Variants in RUFY1 observed in about 807,000 individuals in gnomAD.
RUFY1 encodes RUN and FYVE domain containing 1, also known as RUN and FYVE domain-containing protein 1.
In RUFY1, 54 loss-of-function variants were observed where a neutral mutation model predicts 94.6. The observed-to-expected ratio is 0.57, with a 90% CI of 0.46 to 0.72. RUFY1 has a LOEUF of 0.72. RUFY1 is among the 30% of genes least tolerant of loss of function. RUFY1 has a pLI of 0.00. For missense variants in RUFY1, 883 were observed against 883.9 expected, an observed-to-expected ratio of 1.00 and a Z score of 0.01; for synonymous variants, 396 against 347.3, an observed-to-expected ratio of 1.14 and a Z score of -1.56.
intron 1 of RUFY1, among the ~76,000 whole-genome samples, chr5:179,555,315 A>C (rs866681106): frequency 6.6e-6 from 1 of 152,162 alleles, no homozygotes; most frequent in African/African-American, 2.4e-5. Flanking sequence ...GTAGGTGTAG[A>C]ACTTCACGAT....
chr5:179,560,544 C>A (rs1305376281), intron 2 of RUFY1, among the ~76,000 whole-genome samples: 1 of 146,046 alleles, frequency 6.8e-6, no homozygotes, highest in East Asian at 2.0e-4. Context: ...ACGGTGAAAC[C>A]CGGTCTCTAC....
At chr5:179,581,387 G>A (rs1764144965) in intron 7 of RUFY1, among the ~76,000 whole-genome samples, 1 of 151,992 alleles carries the variant, frequency 6.6e-6, no homozygotes, top group African/African-American at 2.4e-5. Context: ...AAAACCACTG[G>A]GCTAGGCCCT....
chr5:179,566,146 AAAAG>A (rs1353976534), intron 3 of RUFY1, among the ~76,000 whole-genome samples: 1 of 152,140 alleles, frequency 6.6e-6, no homozygotes, highest in Non-Finnish European at 1.5e-5. Context: ...TCCAAAAAAA[AAAAG>A]AAAGTTGTGA....
At chr5:179,594,780 AAAAGC>A in intron 11 of RUFY1, 81 bp from the exon 12 acceptor site, 2 of 652,540 alleles carry the variant, frequency 3.1e-6, no homozygotes, top group Non-Finnish European at 5.0e-6. Flanking sequence ...AAAAAAAAAA[AAAAGC>A]AAATAAGCCC....
At chr5:179,599,995 C>T (rs1016744743) in intron 14 of RUFY1, 3 of 152,296 alleles carry the variant, frequency 2.0e-5, no homozygotes, top group Non-Finnish European at 4.4e-5. Context: ...AGAGCCAGAT[C>T]AGGCTTGGAG....
intron 1 of RUFY1, among the ~76,000 whole-genome samples, chr5:179,552,311 C>T (rs1024587447): frequency 1.3e-5 from 2 of 152,000 alleles, no homozygotes. Flanking sequence ...TGGGACAGAG[C>T]TGAGGAAAGG....
At chr5:179,584,088 A>G (rs1764410244) in intron 7 of RUFY1, among the ~76,000 whole-genome samples, 1 of 152,206 alleles carries the variant, frequency 6.6e-6, no homozygotes, top group Non-Finnish European at 1.5e-5. Flanking sequence ...GGTATTTTCT[A>G]AATTATCAAG....
intron 7 of RUFY1, 59 bp from the exon 8 acceptor site, chr5:179,585,737 T>C (rs1328550248): frequency 7.9e-7 from 1 of 1,267,988 alleles, no homozygotes; most frequent in Non-Finnish European, 1.2e-6. Context: ...TGTTTACAGA[T>C]TGAGAAAACA....
At chr5:179,601,405 G>T (rs541351402) in intron 14 of RUFY1, among the ~76,000 whole-genome samples, 8 of 152,180 alleles carry the variant, frequency 5.3e-5, no homozygotes, top group Non-Finnish European at 1.0e-4. Context: ...CTGACCTCAG[G>T]TGATCCACCT....
In RUFY1 at chr5:179,580,206, CGTGTGTGTGTGT is replaced by C. The variant is rs71591429; in HGVS notation, c.891-716_891-705del. On this transcript the variant is annotated intron_variant, in intron 6 of 17. Coordinates refer to ENST00000319449, the MANE Select transcript of RUFY1 (RefSeq NM_025158.5). ...TTTTTGTAAACAAATCAAAAAATTCCGTGTGTGTGTGTGTGTGTGTGTGTGTGTGTGTGTGTA... is the reference window on the plus strand; with the variant it reads ...TTTTTGTAAACAAATCAAAAAATTCCGTGTGTGTGTGTGTGTGTGTGTGTA... Among the ~76,000 whole-genome samples, 79 of 127,596 alleles carry C rather than the reference CGTGTGTGTGTGT, an allele frequency of 6.2e-4. No homozygotes were observed. In the South Asian group the frequency reaches 9.8e-3, roughly 16 times the overall value. The allele number at this position is 127,596 out of a possible 152,430, so 83.7% of individuals were successfully genotyped here. A position where few individuals can be genotyped will look rare whatever the true frequency, so the allele number is the denominator to read the frequency against.
intron 2 of RUFY1, 152 bp downstream of exon 2, chr5:179,560,350 G>C: frequency 3.2e-6 from 3 of 941,348 alleles, no homozygotes; most frequent in Non-Finnish European, 4.6e-6. Flanking sequence ...ACGTCCTAGA[G>C]CAGCGCTGGC....
intron 5 of RUFY1, among the ~76,000 whole-genome samples, chr5:179,574,403 T>A (rs545365952): frequency 6.6e-4 from 100 of 152,170 alleles, no homozygotes; most frequent in African/African-American, 2.2e-3. Context: ...TCAAAAAAAA[T>A]AAACATAAAA....
intron 3 of RUFY1, among the ~76,000 whole-genome samples, chr5:179,563,283 CA>C (rs1762582227): frequency 6.6e-6 from 1 of 152,162 alleles, no homozygotes; most frequent in East Asian, 1.9e-4. Context: ...ATTCCATTTT[CA>C]GATAATAATA....
Position 179,551,377 on chromosome 5 carries a change from A to C in RUFY1, c.310+498A>C, listed in dbSNP as rs559158715. On this transcript the variant is annotated intron_variant, in intron 1 of 17. Coordinates refer to ENST00000319449, the MANE Select transcript of RUFY1 (RefSeq NM_025158.5). The stretch of plus-strand genomic sequence containing the variant: ...CAGCCCTTGTAATGAACAGAGTGCC[A>C]GCATATCAGTGATAGTAAGAGTTAA... Among the ~76,000 whole-genome samples the C allele has an allele frequency of 2.0e-5, 3 of 152,392 alleles. No individual in the cohort carries two copies. In the East Asian group the frequency reaches 5.8e-4, roughly 29 times the overall value.
chr5:179,591,677 A>G lies in RUFY1; in HGVS notation c.1181A>G (p.Gln394Arg), dbSNP rs148588709. ...VELETYKQTR[Q>R]GLDEMYSDVW... ...CTGGAGACTTACAAGCAAACTCGGC[A>G]AGGTCTGGATGAAATGTACAGTGAT... The change falls in exon 10 of 18, where the codon CAA becomes CGA. Residue 394 changes from glutamine (Q) to arginine (R), a missense_variant. Gln to Arg is a conservative substitution (Grantham distance 43). Transcript: ENST00000319449. 327 of 1,613,494 alleles carry G rather than the reference A, an allele frequency of 2.0e-4. No individual in the cohort carries two copies. The highest frequency in any genetic ancestry group is 2.6e-4 in the Non-Finnish European group (309 of 1,179,840).
intron 6 of RUFY1, among the ~76,000 whole-genome samples, chr5:179,579,344 GAC>G (rs1763902092): frequency 6.6e-6 from 1 of 151,602 alleles, no homozygotes. Flanking sequence ...TTTTTTTTGA[GAC>G]AGTTTTGTAG....
chr5:179,583,352 T>A (rs1764314718), intron 7 of RUFY1, among the ~76,000 whole-genome samples: 1 of 151,558 alleles, frequency 6.6e-6, no homozygotes, highest in South Asian at 2.1e-4. Context: ...GTTGCTAGCT[T>A]TTCAGTTTTT....
At chr5:179,603,131 G>C (rs1766619377) in intron 15 of RUFY1, among the ~76,000 whole-genome samples, 1 of 152,112 alleles carries the variant, frequency 6.6e-6, no homozygotes. Context: ...AGCCAGGCAT[G>C]GTGGGCACCT....
chr5:179,561,220 TA>T (rs1222190517), intron 2 of RUFY1, among the ~76,000 whole-genome samples: 4,361 of 139,452 alleles, frequency 0.031, 185 homozygotes, highest in African/African-American at 0.097. Context: ...CAAAAATAAA[TA>T]AATAAATAAA....
Sources: allele counts gnomAD v4.1 joint callset (sites outside exome capture counted in the v4.1 genomes callset), GRCh38; gene constraint gnomAD v4.1.1; transcripts MANE v1.5; gene names NCBI Gene and HGNC (gene_info 2026-07-23, HGNC 2026-07-21).